Variants in LMF1 observed in about 807,000 individuals in gnomAD.
The protein encoded by LMF1 is lipase maturation factor 1, also known as transmembrane protein 112.
In LMF1, 68 loss-of-function variants were observed where a neutral mutation model predicts 60.6. The ratio of observed to expected loss-of-function variants is 1.12; its 90% CI spans 0.92 to 1.37. The LOEUF (loss-of-function observed/expected upper bound fraction) is 1.37, where lower values mean the gene tolerates loss of function less well. Among genes scored for constraint, LMF1 ranks in the 40% most tolerant of loss-of-function variants. The pLI is 0.00. For synonymous variants in LMF1, 418 were observed against 324.7 expected, an observed-to-expected ratio of 1.29 and a Z score of -3.09; for missense variants, 948 against 767.2, an observed-to-expected ratio of 1.24 and a Z score of -2.78.
chr16:872,639 T>A (rs565436825), intron 6 of LMF1: 95 of 152,436 alleles, frequency 6.2e-4, no homozygotes, highest in African/African-American at 2.2e-3. Context: ...GTGGGGTGGC[T>A]GGGAGCCCCT....
rs1596888601 is a variant in LMF1 at position 879,687 on chromosome 16, C to G, written c.780G>C (p.Trp260Cys). The G allele has an allele frequency of 6.2e-7, 1 of 1,606,664 alleles. No homozygotes were observed. Among genetic ancestry groups the G allele is most frequent in the Non-Finnish European group, 8.5e-7 (1 of 1,176,934 alleles). Residue 260 changes from tryptophan (W) to cysteine (C), a missense_variant, in exon 6 of 11, where the codon TGG becomes TGC. By Grantham distance (215) the Trp-to-Cys change is radical. Coordinates refer to ENST00000262301, the MANE Select transcript of LMF1 (RefSeq NM_022773.4). ...TGAGCGTCTCGAAGCGATGGAACCA[C>G]CAGGGTGAGTGGTGCAGGTAGTACG... ...PVAYYLHHSP[W>C]WFHRFETLSN...
chr16:887,636 G>C (rs2070348383), intron 5 of LMF1, among the ~76,000 whole-genome samples: 2 of 152,162 alleles, frequency 1.3e-5, no homozygotes, highest in African/African-American at 2.4e-5. Context: ...AGCCCAGAGA[G>C]GGCTGCTCTG....
chr16:935,958 G>C (rs1283153263), intron 2 of LMF1, among the ~76,000 whole-genome samples: 1 of 152,270 alleles, frequency 6.6e-6, no homozygotes, highest in African/African-American at 2.4e-5. Context: ...CATCAGGTGT[G>C]TGGCTGCCCC....
At chr16:975,158 G>A (rs764914096), upstream of LMF1, among the ~76,000 whole-genome samples, 4 of 152,164 alleles carry the variant, frequency 2.6e-5, no homozygotes, top group East Asian at 1.9e-4. Flanking sequence ...CTGCACCCTC[G>A]GCTACAGGTC....
chr16:933,917 C>A, intron 3 of LMF1: 2 of 1,310,894 alleles, frequency 1.5e-6, no homozygotes, highest in Admixed American at 2.4e-5. Context: ...GAGGGGCACA[C>A]AGCCTTGAGC....
At chr16:947,762 C>CGA in intron 2 of LMF1, 2 of 357,504 alleles carry the variant, frequency 5.6e-6, no homozygotes, top group Non-Finnish European at 1.1e-5. Context: ...TCAGAGCCAA[C>CGA]GAGAGAGTCA....
upstream of LMF1, chr16:981,301 TGTGAGA>T (rs1459739078): frequency 1.6e-3 from 513 of 329,480 alleles, no homozygotes; most frequent in Non-Finnish European, 2.3e-3. Flanking sequence ...TGTGTGTGTG[TGTGAGA>T]GAGAGAGAGA....
chr16:918,718 G>A (rs2071345532), intron 3 of LMF1, among the ~76,000 whole-genome samples: 1 of 152,104 alleles, frequency 6.6e-6, no homozygotes, highest in Non-Finnish European at 1.5e-5. Flanking sequence ...AAGGCAGCCT[G>A]CGTGGCTGAG....
rs148548764 is a variant in LMF1 at position 922,567 on chromosome 16, C to T, written c.515-11488G>A. ...ATGTGGTGTTGGTGTCGTGTTGTTGCGAAGGCCCTGTCTGAAAGTCGCCTC... is the reference window on the plus strand; with the variant it reads ...ATGTGGTGTTGGTGTCGTGTTGTTGTGAAGGCCCTGTCTGAAAGTCGCCTC... On this transcript the variant is annotated intron_variant, in intron 3 of 10. Transcript: ENST00000262301. 8.0e-5 allele frequency among the ~76,000 whole-genome samples: 12 copies of T among 150,066 alleles called. No homozygotes were observed. The East Asian group carries it at 1.4e-3, about 17-fold the overall frequency.
chr16:873,715 G>C (rs975146387), intron 6 of LMF1: 1 of 152,368 alleles, frequency 6.6e-6, no homozygotes, highest in Non-Finnish European at 1.5e-5. Context: ...TGGTGGGCGT[G>C]AACCCAGGTC....
At chr16:865,725 A>T (rs1409472352) in intron 10 of LMF1, among the ~76,000 whole-genome samples, 1 of 152,050 alleles carries the variant, frequency 6.6e-6, no homozygotes, top group African/African-American at 2.4e-5. Context: ...CTCCAAGTAC[A>T]TTTTCAGCCC....
chr16:928,109 G>A (rs895523813), intron 3 of LMF1, among the ~76,000 whole-genome samples: 1 of 152,194 alleles, frequency 6.6e-6, no homozygotes, highest in African/African-American at 2.4e-5. Flanking sequence ...GGCACCCAAC[G>A]CTGGGACAGC....
intron 6 of LMF1, chr16:872,320 G>A (rs2069822058): frequency 1.3e-5 from 2 of 152,224 alleles, no homozygotes; most frequent in African/African-American, 4.8e-5. Context: ...GAAGGTTGAG[G>A]GCAGGGACAT....
In LMF1 at chr16:909,654, G is replaced by A. The variant is rs117986738; in HGVS notation, c.663+1277C>T. ...TGCTACATGATACCCCAAACCACGTGGAGTCATCGCTTCCTGAGTCCGTGG... is the reference window on the plus strand; with the variant it reads ...TGCTACATGATACCCCAAACCACGTAGAGTCATCGCTTCCTGAGTCCGTGG... On this transcript the variant is annotated intron_variant, in intron 4 of 10. Coordinates refer to ENST00000262301, the MANE Select transcript of LMF1 (RefSeq NM_022773.4). Among the ~76,000 whole-genome samples, 120 of 152,342 alleles carry A rather than the reference G, an allele frequency of 7.9e-4. 1 individual carries two copies. The Middle Eastern group carries it at 0.014, about 17-fold the overall frequency.
chr16:855,858 CTGGGGGT>C (rs999411378), intron 10 of LMF1: 55 of 456,034 alleles, frequency 1.2e-4, no homozygotes, highest in African/African-American at 1.0e-3. Flanking sequence ...GCTCTGGGGG[CTGGGGGT>C]GGAGACCTTG....
chr16:876,589 C>G (rs73497222), intron 6 of LMF1, among the ~76,000 whole-genome samples: 2 of 152,104 alleles, frequency 1.3e-5, no homozygotes, highest in East Asian at 3.9e-4. Flanking sequence ...ACAGTTTTTC[C>G]GAAAATCTAA....
At chr16:890,734 C>T (rs1463720408) in intron 5 of LMF1, among the ~76,000 whole-genome samples, 1 of 152,230 alleles carries the variant, frequency 6.6e-6, no homozygotes, top group Non-Finnish European at 1.5e-5. Flanking sequence ...ATTTGGGGCT[C>T]AGCAGTCCAC....
intron 4 of LMF1, among the ~76,000 whole-genome samples, chr16:898,729 T>G (rs2070729751): frequency 1.3e-5 from 2 of 152,230 alleles, no homozygotes; most frequent in South Asian, 2.1e-4. Flanking sequence ...GCCGCCTATC[T>G]CTCTGACGGG....
At chr16:882,291 A>AT (rs1361732738) in intron 5 of LMF1, among the ~76,000 whole-genome samples, 3 of 152,254 alleles carry the variant, frequency 2.0e-5, no homozygotes, top group African/African-American at 7.2e-5. Flanking sequence ...CCTCCTGAGC[A>AT]TGGCTCGCCT....
Sources: gnomAD v4.1 joint callset for allele counts (sites outside exome capture counted in the v4.1 genomes callset) on GRCh38, gnomAD v4.1.1 for gene constraint, MANE v1.5 for transcripts, NCBI Gene and HGNC (gene_info 2026-07-23, HGNC 2026-07-21) for gene names.